Variants in ADAMTS6 observed in about 807,000 individuals in gnomAD.
The protein encoded by ADAMTS6 is ADAM metallopeptidase with thrombospondin type 1 motif 6.
In ADAMTS6, 23 loss-of-function variants were observed where a neutral mutation model predicts 144.3. The observed-to-expected ratio is 0.16, with a 90% confidence interval of 0.11 to 0.23. The LOEUF (loss-of-function observed/expected upper bound fraction) is 0.23. Among genes scored for constraint, ADAMTS6 ranks in the 10% least tolerant of loss-of-function variants. ADAMTS6 has a pLI of 1.00. For synonymous variants in ADAMTS6, 444 were observed against 457.5 expected (o/e 0.97, Z 0.38); for missense variants, 999 against 1,379.6 (o/e 0.72, Z 4.37).
chr5:65,158,483 AC>A (rs1752557641), intron 24 of ADAMTS6, among the ~76,000 whole-genome samples: 5 of 152,208 alleles, frequency 3.3e-5, no homozygotes, highest in Admixed American at 3.3e-4. Flanking sequence ...AGTTCCTTGT[AC>A]TATTGAGAAG....
At chr5:65,419,736 C>T (rs1056184528) in intron 7 of ADAMTS6, among the ~76,000 whole-genome samples, 17 of 152,088 alleles carry the variant, frequency 1.1e-4, no homozygotes, top group African/African-American at 3.4e-4. Flanking sequence ...AGGTCAAACA[C>T]AAAAGGCCAC....
chr5:65,359,224 T>C (rs1749606057), intron 7 of ADAMTS6, among the ~76,000 whole-genome samples: 1 of 151,986 alleles, frequency 6.6e-6, no homozygotes, highest in South Asian at 2.1e-4. Context: ...AATCTTCTGA[T>C]CCATAGAACA....
rs1743223617 is a variant in ADAMTS6 at position 65,300,229 on chromosome 5, A to T, written c.1224-98T>A. ...TTGGCCATTTATTAGCCTTATCAAC[A>T]TATGCCTTCCATCAGGATAGGCCAG... On this transcript the variant is annotated intron_variant, in intron 9 of 24. Coordinates refer to ENST00000381055, the MANE Select transcript of ADAMTS6 (RefSeq NM_197941.4). The T allele has an allele frequency of 7.0e-6, 8 of 1,142,876 alleles. No individual in the cohort carries two copies. The Admixed American group carries it at 1.4e-4, about 20-fold the overall frequency. 70.8% of individuals were successfully genotyped at this position (1,142,876 alleles called of 1,614,324 possible). A position where few individuals can be genotyped will look rare whatever the true frequency, so the allele number is the denominator to read the frequency against.
chr5:65,345,471 A>G (rs976716759), intron 7 of ADAMTS6, among the ~76,000 whole-genome samples: 3 of 151,796 alleles, frequency 2.0e-5, no homozygotes, highest in African/African-American at 7.2e-5. Context: ...AAATTCACCT[A>G]ATAAGATATT....
intron 7 of ADAMTS6, among the ~76,000 whole-genome samples, chr5:65,382,704 C>T (rs1168954690): frequency 6.6e-6 from 1 of 152,166 alleles, no homozygotes; most frequent in East Asian, 1.9e-4. Context: ...TTCTCATTGC[C>T]CTTCACAGGT....
chr5:65,465,334 C>T (rs1759917666), intron 3 of ADAMTS6, among the ~76,000 whole-genome samples: 1 of 152,108 alleles, frequency 6.6e-6, no homozygotes, highest in African/African-American at 2.4e-5. Flanking sequence ...ATCTATTTTT[C>T]CCTATTATTA....
chr5:65,239,701 GC>G (rs1158229663), intron 15 of ADAMTS6, among the ~76,000 whole-genome samples: 1 of 152,040 alleles, frequency 6.6e-6, no homozygotes, highest in Admixed American at 6.6e-5. Context: ...TTAAAAATAG[GC>G]AAAAGATTTG....
At chr5:65,374,335 G>A (rs1183774254) in intron 7 of ADAMTS6, among the ~76,000 whole-genome samples, 7 of 150,664 alleles carry the variant, frequency 4.6e-5, no homozygotes, top group Non-Finnish European at 7.4e-5. Flanking sequence ...GTTTGCAGAC[G>A]ACATGATTGT....
At chr5:65,463,302 G>A (rs1329440262) in intron 3 of ADAMTS6, among the ~76,000 whole-genome samples, 1 of 152,170 alleles carries the variant, frequency 6.6e-6, no homozygotes, top group South Asian at 2.1e-4. Flanking sequence ...TCTTGGGAAA[G>A]GGCAGACCAG....
At chr5:65,370,743 A>C (rs933228693) in intron 7 of ADAMTS6, among the ~76,000 whole-genome samples, 2 of 152,172 alleles carry the variant, frequency 1.3e-5, no homozygotes, top group Non-Finnish European at 1.5e-5. Context: ...AACAAAGCAG[A>C]GGGGAAGCTC....
intron 10 of ADAMTS6, among the ~76,000 whole-genome samples, chr5:65,295,899 C>T (rs1361435871): frequency 2.6e-5 from 4 of 151,986 alleles, no homozygotes; most frequent in African/African-American, 9.7e-5. Flanking sequence ...GTCTTATTTA[C>T]ATAATCCAAA....
Position 65,452,848 on chromosome 5 carries a change from G to A in ADAMTS6, c.702C>T (p.Asn234=). ...TSTVSYSLPI[N]NTHIHHRQKR... Reference sequence around the variant, plus strand: ...TCTGTCTGTGGTGGATATGTGTGTTGTTAATTGGTAGTGAATAAGAAACAG... The same window carrying A: ...TCTGTCTGTGGTGGATATGTGTGTTATTAATTGGTAGTGAATAAGAAACAG... The change falls in exon 5 of 25, where the codon AAC becomes AAT. Residue 234 remains asparagine, a synonymous_variant. Transcript: ENST00000381055. 3.1e-6 allele frequency: 5 copies of A among 1,614,046 alleles called. No homozygotes were observed.
intron 13 of ADAMTS6, among the ~76,000 whole-genome samples, chr5:65,262,413 A>G (rs2112600776): frequency 6.6e-6 from 1 of 152,312 alleles, no homozygotes; most frequent in South Asian, 2.1e-4. Context: ...GGTCCTTTTA[A>G]TACTGATGTA....
intron 15 of ADAMTS6, among the ~76,000 whole-genome samples, chr5:65,236,432 C>T (rs1758674411): frequency 6.6e-6 from 1 of 152,108 alleles, no homozygotes; most frequent in Non-Finnish European, 1.5e-5. Context: ...AGACTACAGG[C>T]ATGTGGTACC....
intron 7 of ADAMTS6, among the ~76,000 whole-genome samples, chr5:65,365,910 A>G (rs182389383): frequency 1.8e-4 from 28 of 152,240 alleles, no homozygotes; most frequent in Admixed American, 1.4e-3. Flanking sequence ...GATTTAATAC[A>G]TCTATAGTTC....
intron 22 of ADAMTS6, among the ~76,000 whole-genome samples, chr5:65,173,343 C>T (rs1753747805): frequency 6.6e-6 from 1 of 152,136 alleles, no homozygotes; most frequent in East Asian, 1.9e-4. Context: ...AATGTGGAAA[C>T]CTTCGTTTCC....
chr5:65,247,048 T>C (rs1207346594), intron 14 of ADAMTS6, among the ~76,000 whole-genome samples: 1 of 152,166 alleles, frequency 6.6e-6, no homozygotes, highest in Non-Finnish European at 1.5e-5. Flanking sequence ...GCAGTGGGCA[T>C]AAGCAACAGA....
chr5:65,214,954 G>A lies in ADAMTS6; in HGVS notation c.2437-22C>T. The A allele has an allele frequency of 1.2e-6, 2 of 1,605,066 alleles. No homozygotes were observed. Among genetic ancestry groups the A allele is most frequent in the Non-Finnish European group, 1.7e-6 (2 of 1,176,072 alleles). On this transcript the variant is annotated intron_variant, in intron 19 of 24. Transcript: ENST00000381055. This position sits in a 1 kb window ranked among gnomAD's most constrained non-coding sequence, Gnocchi z 4.6. ...GAACCTGCCATTGAAAACAACTGGT[G>A]AAGACAATTAAAATACAATGAGCCT...
chr5:65,476,881 G>A (rs1285121194), intron 1 of ADAMTS6, among the ~76,000 whole-genome samples: 1 of 152,132 alleles, frequency 6.6e-6, no homozygotes, highest in Non-Finnish European at 1.5e-5. Flanking sequence ...CCAAAGTGCT[G>A]GGATTCCAGG....
Sources: allele counts gnomAD v4.1 joint callset (sites outside exome capture counted in the v4.1 genomes callset), GRCh38; gene constraint gnomAD v4.1.1; non-coding constraint Gnocchi (gnomAD v3.1); transcripts MANE v1.5; gene names NCBI Gene and HGNC (gene_info 2026-07-23, HGNC 2026-07-21).